Variants in APCDD1 observed in about 807,000 individuals in gnomAD.
APCDD1 encodes protein APCDD1.
A neutral mutation model predicts 38.1 loss-of-function variants in APCDD1; 15 were observed. The observed-to-expected ratio is 0.39, with a 90% CI of 0.26 to 0.61. APCDD1 has a LOEUF of 0.61. APCDD1 is among the 20% of genes least tolerant of loss of function. The probability of loss-of-function intolerance (pLI) is 0.49; values close to 1 mark genes in which losing one functional copy is unlikely to be tolerated. For missense variants in APCDD1, 647 were observed against 696.2 expected (o/e 0.93, Z 0.79); for synonymous variants, 261 against 279.7 (o/e 0.93, Z 0.67).
rs2031293776 is a variant in APCDD1 at position 10,488,191 on chromosome 18, CAT to C, written c.*154_*155del. On this transcript the variant is annotated 3_prime_UTR_variant, in exon 5 of 5. Transcript: ENST00000355285. Reference sequence around the variant, plus strand: ...TCTCCCTCCCTCCCAGCCCCTGAGTCATGAACAGCAAGGAGTGTTTGAAGTTT... The same window carrying C: ...TCTCCCTCCCTCCCAGCCCCTGAGTCGAACAGCAAGGAGTGTTTGAAGTTT... 1.0e-6 allele frequency: 1 copy of C among 957,556 alleles called. No homozygotes were observed. The highest frequency in any genetic ancestry group is 1.6e-5 in the African/African-American group (1 of 61,322). The allele number at this position is 957,556 out of a possible 1,614,324, so 59.3% of individuals were successfully genotyped here. A position where few individuals can be genotyped will look rare whatever the true frequency, so the allele number is the denominator to read the frequency against.
chr18:10,459,484 A>G (rs962030058), intron 1 of APCDD1, among the ~76,000 whole-genome samples: 9 of 152,252 alleles, frequency 5.9e-5, no homozygotes, highest in African/African-American at 2.2e-4. Flanking sequence ...CTTGTTTTCA[A>G]CTAAAGTCAA....
chr18:10,479,350 G>A (rs1598399566), intron 3 of APCDD1, among the ~76,000 whole-genome samples: 1 of 152,302 alleles, frequency 6.6e-6, no homozygotes, highest in East Asian at 1.9e-4. Context: ...GAAGGCTTGT[G>A]TTTCATGCAG....
chr18:10,466,427 C>T (rs2030715910), intron 1 of APCDD1, among the ~76,000 whole-genome samples: 1 of 149,370 alleles, frequency 6.7e-6, no homozygotes, highest in Non-Finnish European at 1.5e-5. Context: ...TAGGAGTGCT[C>T]ATAGTTCCCC....
chr18:10,459,145 C>G (rs2030462343), intron 1 of APCDD1, among the ~76,000 whole-genome samples: 1 of 152,232 alleles, frequency 6.6e-6, no homozygotes, highest in South Asian at 2.1e-4. Context: ...CCAAGTGCCA[C>G]CACTTGCCAG....
Position 10,485,734 on chromosome 18 carries a change from C to T in APCDD1, c.1047C>T (p.Arg349=), listed in dbSNP as rs780163972. 24 of 1,613,908 alleles carry T rather than the reference C, an allele frequency of 1.5e-5. No homozygotes were observed. Among genetic ancestry groups the T allele is most frequent in the African/African-American group, 6.7e-5 (5 of 74,912 alleles). Residue 349 remains arginine (R), a synonymous_variant, in exon 4 of 5, where the codon CGC becomes CGT. Transcript: ENST00000355285. The surrounding 1 kb of genome is among the most constrained non-coding windows in gnomAD (Gnocchi z 5.8). The part of the protein sequence containing the change: ...FSIYARGRYS[R]GVLSSRVMGG... ...TCTACGCCCGGGGCCGCTACAGCCGCGGCGTCCTCTCGTCCAGGGTCATGG... is the reference window on the plus strand; with the variant it reads ...TCTACGCCCGGGGCCGCTACAGCCGTGGCGTCCTCTCGTCCAGGGTCATGG...
chr18:10,484,092 C>T (rs11080422), intron 3 of APCDD1, among the ~76,000 whole-genome samples: 44,646 of 152,182 alleles, frequency 0.29, 6,706 homozygotes, highest in East Asian at 0.45. Flanking sequence ...CCTGCTGTGT[C>T]CGTGTTATAA....
intron 1 of APCDD1, 123 bp downstream of exon 1, chr18:10,455,162 G>T (rs2030344191): frequency 9.2e-6 from 13 of 1,415,508 alleles, no homozygotes; most frequent in African/African-American, 1.5e-5. Flanking sequence ...GGCGGGGCGG[G>T]TCCGAGGGGA....
At chr18:10,477,478 G>A (rs898058562) in intron 3 of APCDD1, 6 of 152,208 alleles carry the variant, frequency 3.9e-5, no homozygotes, top group Non-Finnish European at 5.9e-5. Flanking sequence ...CACTTCTATT[G>A]CAGAAACAGC....
intron 3 of APCDD1, among the ~76,000 whole-genome samples, chr18:10,484,396 A>G (rs1336904148): frequency 2.0e-5 from 3 of 152,174 alleles, no homozygotes; most frequent in Admixed American, 2.0e-4. Flanking sequence ...TGTGTCTCCT[A>G]ACTTTTTTTA....
At chr18:10,456,541 A>T (rs890781089) in intron 1 of APCDD1, among the ~76,000 whole-genome samples, 5 of 152,258 alleles carry the variant, frequency 3.3e-5, no homozygotes, top group Non-Finnish European at 7.3e-5. Context: ...AAAATTACTT[A>T]AAAAGTTGGC....
At chr18:10,464,311 AACACACAC>A (rs541648834) in intron 1 of APCDD1, among the ~76,000 whole-genome samples, 3 of 146,996 alleles carry the variant, frequency 2.0e-5, no homozygotes, top group African/African-American at 5.0e-5. Flanking sequence ...CTTCAAAGTA[AACACACAC>A]ACACACACAC....
Position 10,471,735 on chromosome 18 carries a change from G to A in APCDD1, c.448G>A (p.Val150Ile), listed in dbSNP as rs3748415. The change falls in exon 3 of 5, where the codon GTC (valine) becomes ATC (isoleucine). Residue 150 changes from valine to isoleucine, a missense_variant. Physicochemically the swap from Val to Ile is conservative, Grantham distance 29. Coordinates refer to ENST00000355285, the MANE Select transcript of APCDD1 (RefSeq NM_153000.5). This position sits in a 1 kb window ranked among gnomAD's most constrained non-coding sequence, Gnocchi z 5.5. ...GTEADYQLHN[V>I]QVICHTEAVA... ...GGAAGCCGACTACCAGCTGCACAACGTCCAGGTGATCTGCCACACAGAGGC... is the reference window on the plus strand; with the variant it reads ...GGAAGCCGACTACCAGCTGCACAACATCCAGGTGATCTGCCACACAGAGGC... 193,902 of 1,613,984 alleles carry A rather than the reference G, an allele frequency of 0.12. 12,427 individuals are homozygous for A. Among genetic ancestry groups the A allele is most frequent in the Middle Eastern group, 0.17 (1,019 of 6,062 alleles).
At position 10,475,573 on chromosome 18, in the gene APCDD1, G is replaced by C. The variant is rs2030971161; in HGVS notation, c.774+3512G>C. On this transcript the variant is annotated intron_variant, in intron 3 of 4. Coordinates refer to ENST00000355285, the MANE Select transcript of APCDD1 (RefSeq NM_153000.5). This position sits in a 1 kb window ranked among gnomAD's most constrained non-coding sequence, Gnocchi z 4.0. ...GTGACAGAGTTGTCTATCTGGGATT[G>C]TCGGACAGAGACTTCACTTTTGGTA... Among the ~76,000 whole-genome samples, 1 of 151,986 alleles carries C rather than the reference G, an allele frequency of 6.6e-6. No homozygotes were observed.
chr18:10,471,960 C>T lies in APCDD1; in HGVS notation c.673C>T (p.His225Tyr). 6.2e-7 allele frequency: 1 copy of T among 1,614,104 alleles called. No homozygotes were observed. The highest frequency in any genetic ancestry group is 1.1e-5 in the South Asian group (1 of 91,088). Residue 225 changes from histidine to tyrosine, a missense_variant, in exon 3 of 5, where the codon CAC (histidine) becomes TAC (tyrosine). By Grantham distance (83) the His-to-Tyr change is moderately conservative. Coordinates refer to ENST00000355285, the MANE Select transcript of APCDD1 (RefSeq NM_153000.5). The surrounding 1 kb of genome is among the most constrained non-coding windows in gnomAD (Gnocchi z 5.5). Reference sequence around the variant, plus strand: ...GCAGTACCTTCACCACAACCTCGACCACCTGGTCGAGGAGCTCTTCCTTGG... The same window carrying T: ...GCAGTACCTTCACCACAACCTCGACTACCTGGTCGAGGAGCTCTTCCTTGG... The part of the protein sequence containing the change: ...EKQYLHHNLD[H>Y]LVEELFLGDI...
rs2030979537 is a variant in APCDD1 at position 10,475,795 on chromosome 18, G to GGT, written c.774+3735_774+3736insTG. On this transcript the variant is annotated intron_variant, in intron 3 of 4. Transcript: ENST00000355285. The surrounding 1 kb of genome is among the most constrained non-coding windows in gnomAD (Gnocchi z 4.0). ...CTAGCTGCCTCGCAAGATGGCTGAGGGGGGGGGGGGTCAGTGGAAGGCCGA... is the reference window on the plus strand; with the variant it reads ...CTAGCTGCCTCGCAAGATGGCTGAGGGTGGGGGGGGGGTCAGTGGAAGGCCGA... 1 of 96,592 alleles carries GGT rather than the reference G, an allele frequency of 1.0e-5. No individual in the cohort carries two copies. Among genetic ancestry groups the GGT allele is most frequent in the South Asian group, 3.7e-4 (1 of 2,722 alleles). The allele number at this position is 96,592 out of a possible 1,614,324, so 6.0% of individuals were successfully genotyped here.
In APCDD1 at chr18:10,488,319, G is replaced by A. The variant is rs2031297319; in HGVS notation, c.*281G>A. On this transcript the variant is annotated 3_prime_UTR_variant, in exon 5 of 5. Transcript: ENST00000355285. ...GAGTTCTGGACGAGCGTGTTTGGTA[G>A]CAGGGATGAAAGCTAGGGCCTCTTA... 1 of 398,820 alleles carries A rather than the reference G, an allele frequency of 2.5e-6. No individual in the cohort carries two copies. The highest frequency in any genetic ancestry group is 4.4e-6 in the Non-Finnish European group (1 of 224,892). The allele number at this position is 398,820 out of a possible 1,614,324, so 24.7% of individuals were successfully genotyped here. A position where few individuals can be genotyped will look rare whatever the true frequency, so the allele number is the denominator to read the frequency against.
At chr18:10,478,269 C>G (rs2031053064) in intron 3 of APCDD1, among the ~76,000 whole-genome samples, 1 of 152,248 alleles carries the variant, frequency 6.6e-6, no homozygotes, top group Non-Finnish European at 1.5e-5. Flanking sequence ...CTGAGGCTCT[C>G]TGAGTACCCC....
Position 10,469,024 on chromosome 18 carries a change from A to G in APCDD1, c.242+372A>G, listed in dbSNP as rs1198688185. Among the ~76,000 whole-genome samples the G allele has an allele frequency of 1.3e-5, 2 of 152,194 alleles. No homozygotes were observed. The highest frequency in any genetic ancestry group is 2.4e-5 in the African/African-American group (1 of 41,444). The stretch of plus-strand genomic sequence containing the variant: ...GACTTGCAAGCTCCGGATGGTCTAA[A>G]TATTCTAGCCATATTCTGGTAATTT... On this transcript the variant is annotated intron_variant, in intron 2 of 4. Transcript: ENST00000355285. This position sits in a 1 kb window ranked among gnomAD's most constrained non-coding sequence, Gnocchi z 5.5.
intron 1 of APCDD1, among the ~76,000 whole-genome samples, chr18:10,465,112 G>A (rs747692360): frequency 2.3e-4 from 35 of 152,168 alleles, no homozygotes; most frequent in Admixed American, 4.6e-4. Flanking sequence ...AGGTCACTGC[G>A]CTAATACTGT....
Sources: gnomAD v4.1 joint callset for allele counts (sites outside exome capture counted in the v4.1 genomes callset) on GRCh38, gnomAD v4.1.1 for gene constraint, Gnocchi (gnomAD v3.1) non-coding constraint, MANE v1.5 for transcripts, NCBI Gene and HGNC (gene_info 2026-07-23, HGNC 2026-07-21) for gene names.